The following EPM2A variants were observed in gnomAD, a reference collection of about 807,000 sequenced individuals.
The protein encoded by EPM2A is EPM2A glucan phosphatase, laforin.
A neutral mutation model predicts 26.5 loss-of-function variants in EPM2A; 21 were observed. The ratio of observed to expected loss-of-function variants is 0.79; its 90% CI spans 0.56 to 1.14. The LOEUF (loss-of-function observed/expected upper bound fraction) is 1.14, where lower values mean the gene tolerates loss of function less well. Among genes scored for constraint, EPM2A ranks in the 50% most tolerant of loss-of-function variants. The pLI, the probability that EPM2A is intolerant of heterozygous loss-of-function variation, is 0.00. For synonymous variants in EPM2A, 217 were observed against 177.6 expected, an observed-to-expected ratio of 1.22 and a Z score of -1.76; for missense variants, 458 against 440.8, an observed-to-expected ratio of 1.04 and a Z score of -0.35.
intron 2 of EPM2A, among the ~76,000 whole-genome samples, chr6:145,552,634 T>A (rs145320409): frequency 9.9e-5 from 15 of 152,208 alleles, no homozygotes; most frequent in East Asian, 9.7e-4. Context: ...TAAAAAGGAA[T>A]CATGTGCAAA....
chr6:145,603,984 C>T (rs1781450126), intron 2 of EPM2A, among the ~76,000 whole-genome samples: 1 of 152,044 alleles, frequency 6.6e-6, no homozygotes, highest in Non-Finnish European at 1.5e-5. Context: ...TCTCAAAATG[C>T]TAACAATATC....
chr6:145,515,217 C>A (rs399169), intron 2 of EPM2A, among the ~76,000 whole-genome samples: 68,469 of 151,934 alleles, frequency 0.45, 15,463 homozygotes, highest in South Asian at 0.58. Context: ...CTTATCATGA[C>A]GTCTCTAGAA....
intron 4 of EPM2A, among the ~76,000 whole-genome samples, chr6:145,463,813 T>C (rs1211011781): frequency 6.6e-6 from 1 of 152,144 alleles, no homozygotes; most frequent in Non-Finnish European, 1.5e-5. Flanking sequence ...TAAATTTTTG[T>C]TAGATTCTGA....
chr6:145,464,598 A>G (rs1779364110), intron 4 of EPM2A, among the ~76,000 whole-genome samples: 1 of 152,066 alleles, frequency 6.6e-6, no homozygotes, highest in Non-Finnish European at 1.5e-5. Flanking sequence ...TTAGTTATTT[A>G]GTTCATTGTA....
intron 4 of EPM2A, among the ~76,000 whole-genome samples, chr6:145,480,737 G>A (rs1446134146): frequency 6.6e-6 from 1 of 151,934 alleles, no homozygotes; most frequent in African/African-American, 2.4e-5. Flanking sequence ...ATATTTGATA[G>A]CTTATTGTCA....
At chr6:145,387,030 G>GT (rs1419977525) in intron 4 of EPM2A, among the ~76,000 whole-genome samples, 1 of 152,098 alleles carries the variant, frequency 6.6e-6, no homozygotes, top group Non-Finnish European at 1.5e-5. Flanking sequence ...ATACCCACTT[G>GT]TTTTGGGGCA....
chr6:145,594,392 C>T (rs143014717), intron 2 of EPM2A, among the ~76,000 whole-genome samples: 22 of 151,834 alleles, frequency 1.4e-4, no homozygotes, highest in African/African-American at 5.1e-4. Context: ...AGAAATGATA[C>T]TAATTTCCCA....
chr6:145,514,526 A>G (rs776154666), intron 2 of EPM2A, among the ~76,000 whole-genome samples: 6 of 152,186 alleles, frequency 3.9e-5, no homozygotes, highest in Non-Finnish European at 7.3e-5. Context: ...GTGTTAGCTG[A>G]AGCAGATAGA....
chr6:145,476,839 T>C (rs1238967852), intron 4 of EPM2A, among the ~76,000 whole-genome samples: 5 of 151,228 alleles, frequency 3.3e-5, no homozygotes, highest in South Asian at 4.2e-4. Flanking sequence ...AGTGCCTACA[T>C]CAAAAAGAAG....
intron 4 of EPM2A, among the ~76,000 whole-genome samples, chr6:145,452,227 T>G (rs1779204000): frequency 6.6e-6 from 1 of 152,184 alleles, no homozygotes; most frequent in Non-Finnish European, 1.5e-5. Context: ...GTCCTTGCCC[T>G]TAACAAATAC....
intron 2 of EPM2A, among the ~76,000 whole-genome samples, chr6:145,554,402 A>G (rs1780694148): frequency 6.6e-6 from 1 of 151,292 alleles, no homozygotes; most frequent in African/African-American, 2.4e-5. Flanking sequence ...AAATAGATAG[A>G]TAATAGAGAG....
chr6:145,663,309 G>A (rs1469013904), intron 2 of EPM2A, among the ~76,000 whole-genome samples: 5 of 152,190 alleles, frequency 3.3e-5, no homozygotes, highest in East Asian at 1.9e-4. Flanking sequence ...CGTGAGCGAC[G>A]CAGAAGACGG....
chr6:145,713,443 A>G lies in EPM2A; in HGVS notation c.301+21755T>C, dbSNP rs1442975003. Among the ~76,000 whole-genome samples the G allele has an allele frequency of 3.3e-5, 5 of 152,248 alleles. 1 individual carries two copies. The highest frequency in any genetic ancestry group is 2.9e-5 in the Non-Finnish European group (2 of 68,044). On this transcript the variant is annotated intron_variant, in intron 1 of 3. Coordinates refer to ENST00000367519, the MANE Select transcript of EPM2A (RefSeq NM_005670.4). ...ACACATATGTGTGTACAGAAGATAC[A>G]TATGTGTGTATCTTCCATATTGACA...
intron 4 of EPM2A, among the ~76,000 whole-genome samples, chr6:145,466,725 A>G (rs1293782464): frequency 1.3e-5 from 2 of 152,186 alleles, no homozygotes; most frequent in Non-Finnish European, 2.9e-5. Context: ...TCACAATAGC[A>G]AAGACTTGGA....
At chr6:145,434,216 T>A (rs1349894368) in intron 4 of EPM2A, among the ~76,000 whole-genome samples, 1 of 151,910 alleles carries the variant, frequency 6.6e-6, no homozygotes, top group Non-Finnish European at 1.5e-5. Context: ...TTTCTCTGAA[T>A]GATTTTCAAT....
At chr6:145,571,837 G>A (rs1780961057) in intron 2 of EPM2A, among the ~76,000 whole-genome samples, 1 of 152,176 alleles carries the variant, frequency 6.6e-6, no homozygotes, top group Non-Finnish European at 1.5e-5. Context: ...GCTGAGCGGT[G>A]TCCACAGAAT....
chr6:145,690,301 G>A (rs111386057), intron 1 of EPM2A, among the ~76,000 whole-genome samples: 2,363 of 151,998 alleles, frequency 0.016, 55 homozygotes, highest in African/African-American at 0.053. Context: ...ATGAGGTCAG[G>A]AGATCGAGAC....
chr6:145,427,140 A>C (rs1302478862), intron 4 of EPM2A, among the ~76,000 whole-genome samples: 1 of 152,212 alleles, frequency 6.6e-6, no homozygotes, highest in Non-Finnish European at 1.5e-5. Context: ...TCCTGTGCTC[A>C]TTCTGGCAAC....
chr6:145,651,508 G>T (rs574317297), intron 2 of EPM2A, among the ~76,000 whole-genome samples: 1 of 152,322 alleles, frequency 6.6e-6, no homozygotes, highest in East Asian at 1.9e-4. Flanking sequence ...AGCTGGTCCT[G>T]AGAGTCTTTT....
Sources: allele counts gnomAD v4.1 joint callset (sites outside exome capture counted in the v4.1 genomes callset), GRCh38; gene constraint gnomAD v4.1.1; transcripts MANE v1.5; gene names NCBI Gene and HGNC (gene_info 2026-07-23, HGNC 2026-07-21).